Variants in LARP1 observed in about 807,000 individuals in gnomAD.
LARP1 encodes la-related protein 1.
LARP1 carries 36 observed loss-of-function variants against 122.7 expected under a neutral mutation model. The observed-to-expected ratio is 0.29, with a 90% CI of 0.22 to 0.39. The LOEUF is 0.39. Among genes scored for constraint, LARP1 ranks in the 10% least tolerant of loss-of-function variants. LARP1 has a pLI of 1.00. For missense variants in LARP1, 1,040 were observed against 1,403.6 expected, an observed-to-expected ratio of 0.74 and a Z score of 4.14; for synonymous variants, 539 against 528.7, an observed-to-expected ratio of 1.02 and a Z score of -0.27.
chr5:154,721,183 T>G (rs1755842741), intron 1 of LARP1, among the ~76,000 whole-genome samples: 1 of 151,602 alleles, frequency 6.6e-6, no homozygotes. Context: ...TCTCTAAAAA[T>G]ATATATTTTA....
intron 8 of LARP1, among the ~76,000 whole-genome samples, chr5:154,799,371 C>CA (rs1307163871): frequency 6.6e-6 from 1 of 152,092 alleles, no homozygotes; most frequent in Non-Finnish European, 1.5e-5. Flanking sequence ...ATTGCAGGCT[C>CA]AAAGAGTAAA....
rs1759517467 is a variant in LARP1, at chr5:154,814,253, C to G, written c.*157C>G. On this transcript the variant is annotated 3_prime_UTR_variant, in exon 19 of 19. Coordinates refer to ENST00000518297, the MANE Select transcript of LARP1 (RefSeq NM_033551.3). ...AGTAGCAATGTATACACCATTTGGGCTATCAGAGGTACCCCTGGGCAGGAG... is the reference window on the plus strand; with the variant it reads ...AGTAGCAATGTATACACCATTTGGGGTATCAGAGGTACCCCTGGGCAGGAG... 2.9e-6 allele frequency: 2 copies of G among 699,570 alleles called. No homozygotes were observed. Among genetic ancestry groups the G allele is most frequent in the Non-Finnish European group, 4.8e-6 (2 of 417,124 alleles). 43.3% of individuals were successfully genotyped at this position (699,570 alleles called of 1,614,324 possible). A position where few individuals can be genotyped will look rare whatever the true frequency, so the allele number is the denominator to read the frequency against.
rs1445882537 is a variant in LARP1 at position 154,691,802 on chromosome 5, T to G, written c.-180+8765T>G. ...ACAGCCCTGCTCACCCTTTTCGTTC[T>G]TTTTTTTTTTTCTTTTTCTTTTTTG... On this transcript the variant is annotated intron_variant, in intron 1 of 18. Transcript: ENST00000687700. 4.2e-3 allele frequency among the ~76,000 whole-genome samples: 38 copies of G among 9,066 alleles called. No homozygotes were observed. The African/African-American group carries it at 0.12, about 29-fold the overall frequency. 5.9% of individuals were successfully genotyped at this position (9,066 alleles called of 152,430 possible).
intron 1 of LARP1, among the ~76,000 whole-genome samples, chr5:154,747,329 A>G (rs1404504427): frequency 6.6e-6 from 1 of 151,638 alleles, no homozygotes. Context: ...AAGAAAAAGA[A>G]AAAAGGCTGC....
chr5:154,770,661 G>A (rs1451588190), intron 1 of LARP1, among the ~76,000 whole-genome samples: 1 of 152,152 alleles, frequency 6.6e-6, no homozygotes, highest in African/African-American at 2.4e-5. Flanking sequence ...CTTCTTGTCA[G>A]GAACTGCTGT....
At chr5:154,764,946 G>A (rs1344600468) in intron 1 of LARP1, among the ~76,000 whole-genome samples, 1 of 151,344 alleles carries the variant, frequency 6.6e-6, no homozygotes, top group East Asian at 1.9e-4. Context: ...CCTATGTCCA[G>A]ATCTAAATGC....
At chr5:154,795,886 TTA>T (rs1199231439) in intron 8 of LARP1, among the ~76,000 whole-genome samples, 14 of 128,980 alleles carry the variant, frequency 1.1e-4, no homozygotes, top group South Asian at 6.5e-4. Context: ...AAATATACAT[TTA>T]TATATATTTA....
chr5:154,790,923 T>C (rs567517555), intron 3 of LARP1, among the ~76,000 whole-genome samples: 1 of 152,058 alleles, frequency 6.6e-6, no homozygotes, highest in Non-Finnish European at 1.5e-5. Context: ...GTTCAAGTGA[T>C]TCTCCTCCCC....
chr5:154,708,505 T>C (rs926829182), upstream of LARP1, among the ~76,000 whole-genome samples: 1 of 152,166 alleles, frequency 6.6e-6, no homozygotes, highest in Non-Finnish European at 1.5e-5. Flanking sequence ...AGAGAAGACA[T>C]GTGTGCTCTG....
At chr5:154,708,082 C>T (rs376268648), upstream of LARP1, among the ~76,000 whole-genome samples, 65 of 152,128 alleles carry the variant, frequency 4.3e-4, no homozygotes, top group African/African-American at 1.4e-3. Flanking sequence ...CTTCCCAGTT[C>T]GGGGGTCTTT....
At chr5:154,727,575 A>G (rs1290729009) in intron 1 of LARP1, among the ~76,000 whole-genome samples, 1 of 152,212 alleles carries the variant, frequency 6.6e-6, no homozygotes, top group Non-Finnish European at 1.5e-5. Context: ...TAAGGAATCT[A>G]TTACACAATG....
chr5:154,697,926 AG>A (rs1226606735), intron 1 of LARP1, among the ~76,000 whole-genome samples: 1 of 152,156 alleles, frequency 6.6e-6, no homozygotes, highest in Non-Finnish European at 1.5e-5. Flanking sequence ...CCTGGGCTCA[AG>A]TGATCCTCTC....
At chr5:154,791,497 C>G (rs1353883894) in intron 3 of LARP1, among the ~76,000 whole-genome samples, 1 of 152,374 alleles carries the variant, frequency 6.6e-6, no homozygotes, top group South Asian at 2.1e-4. Context: ...GTGTGAGCCA[C>G]TGTCCCCAGC....
At chr5:154,748,206 A>G (rs979075674) in intron 1 of LARP1, among the ~76,000 whole-genome samples, 1 of 152,176 alleles carries the variant, frequency 6.6e-6, no homozygotes, top group African/African-American at 2.4e-5. Flanking sequence ...CAAAAGATGT[A>G]TATATAAATA....
upstream of LARP1, among the ~76,000 whole-genome samples, chr5:154,754,412 C>T (rs1290458439): frequency 6.6e-6 from 1 of 152,194 alleles, no homozygotes; most frequent in Non-Finnish European, 1.5e-5. Context: ...GCCCACGAAG[C>T]TGGAAGTCAC....
At chr5:154,761,463 G>GGGA (rs1027068663) in intron 1 of LARP1, among the ~76,000 whole-genome samples, 7 of 152,208 alleles carry the variant, frequency 4.6e-5, no homozygotes, top group Non-Finnish European at 1.0e-4. Context: ...TGGGCAGGGT[G>GGGA]GGAGGAGGAG....
chr5:154,773,623 G>A (rs886235414), intron 1 of LARP1, among the ~76,000 whole-genome samples: 12 of 152,216 alleles, frequency 7.9e-5, no homozygotes, highest in African/African-American at 2.9e-4. Context: ...TAAAACACAA[G>A]CACCCTGAAC....
intron 1 of LARP1, among the ~76,000 whole-genome samples, chr5:154,736,900 T>C (rs1279737959): frequency 6.6e-6 from 1 of 151,874 alleles, no homozygotes; most frequent in Admixed American, 6.6e-5. Context: ...TCCATATGGT[T>C]TTCCATGGTG....
intron 1 of LARP1, among the ~76,000 whole-genome samples, chr5:154,742,660 G>A (rs1752963414): frequency 6.6e-6 from 1 of 150,948 alleles, no homozygotes; most frequent in Non-Finnish European, 1.5e-5. Flanking sequence ...AGTCAAGGAA[G>A]TTGAGGCTAC....
Sources: allele counts gnomAD v4.1 joint callset (sites outside exome capture counted in the v4.1 genomes callset), GRCh38; gene constraint gnomAD v4.1.1; transcripts MANE v1.5; gene names NCBI Gene and HGNC (gene_info 2026-07-23, HGNC 2026-07-21).